SPIDR: variants seen among roughly 807,000 people sequenced by gnomAD.
The protein encoded by SPIDR is scaffold protein involved in DNA repair.
SPIDR carries 93 observed loss-of-function variants against 104.6 expected under a neutral mutation model. The observed-to-expected ratio is 0.89, with a 90% CI of 0.75 to 1.06. SPIDR has a LOEUF of 1.06. Among genes scored for constraint, SPIDR ranks in the 50% least tolerant of loss-of-function variants. SPIDR has a pLI of 0.00. For missense variants in SPIDR, 1,154 were observed against 1,111.2 expected, an observed-to-expected ratio of 1.04 and a Z score of -0.55; for synonymous variants, 431 against 416.9, an observed-to-expected ratio of 1.03 and a Z score of -0.41.
chr8:47,545,842 G>A (rs2089262363), intron 8 of SPIDR, among the ~76,000 whole-genome samples: 1 of 152,002 alleles, frequency 6.6e-6, no homozygotes, highest in Non-Finnish European at 1.5e-5. Flanking sequence ...TAACATGAGA[G>A]GGTGTTTATT....
Position 47,527,648 on chromosome 8 carries a change from T to C in SPIDR, c.1098-68163T>C, listed in dbSNP as rs1454783157. 2.0e-5 allele frequency: 3 copies of C among 152,226 alleles called. No homozygotes were observed. In the East Asian group the frequency reaches 5.8e-4, roughly 29 times the overall value. 9.4% of individuals were successfully genotyped at this position (152,226 alleles called of 1,614,324 possible). ...CATTAAAGTCGCCAGGTCAACCAGA[T>C]GTAGCCTCTGTAGGTGTTGGCCTTG... On this transcript the variant is annotated intron_variant, in intron 8 of 19. Coordinates refer to ENST00000297423, the MANE Select transcript of SPIDR (RefSeq NM_001080394.4).
intron 8 of SPIDR, among the ~76,000 whole-genome samples, chr8:47,570,805 G>A (rs184644172): frequency 5.3e-5 from 8 of 152,178 alleles, no homozygotes; most frequent in Admixed American, 5.2e-4. Context: ...TAAGATGAAA[G>A]GTTTTAGCCG....
intron 11 of SPIDR, among the ~76,000 whole-genome samples, chr8:47,680,285 A>G (rs2076936970): frequency 6.6e-6 from 1 of 152,210 alleles, no homozygotes; most frequent in African/African-American, 2.4e-5. Flanking sequence ...ACAGAGGAGG[A>G]AGCTCAATGT....
chr8:47,684,362 G>C lies in SPIDR; in HGVS notation c.1685+10421G>C, dbSNP rs2077482719. On this transcript the variant is annotated intron_variant, in intron 11 of 19. Transcript: ENST00000297423. ...GGGCCAAGCTTACTCAAGGGGACTT[G>C]CTGGTTAAAACAACAACAACAAAAA... Among the ~76,000 whole-genome samples the C allele has an allele frequency of 2.0e-5, 3 of 152,114 alleles. No individual in the cohort carries two copies. The South Asian group carries it at 6.2e-4, about 31-fold the overall frequency.
At chr8:47,635,795 T>C (rs1334619043) in intron 10 of SPIDR, among the ~76,000 whole-genome samples, 1 of 152,162 alleles carries the variant, frequency 6.6e-6, no homozygotes, top group African/African-American at 2.4e-5. Context: ...GCTTCTGACC[T>C]CTGGGAGGAA....
chr8:47,611,588 C>T (rs1293630900), intron 10 of SPIDR, among the ~76,000 whole-genome samples: 1 of 151,948 alleles, frequency 6.6e-6, no homozygotes, highest in Non-Finnish European at 1.5e-5. Flanking sequence ...GTCCCAGCTA[C>T]TTGGGAGGCT....
intron 16 of SPIDR, among the ~76,000 whole-genome samples, chr8:47,716,833 G>A (rs1386948990): frequency 6.6e-6 from 1 of 152,188 alleles, no homozygotes. Flanking sequence ...CAAGTGATGG[G>A]AGAGGGGCAG....
At chr8:47,330,276 C>T (rs543757067) in intron 5 of SPIDR, among the ~76,000 whole-genome samples, 5 of 152,140 alleles carry the variant, frequency 3.3e-5, no homozygotes, top group Non-Finnish European at 7.4e-5. Flanking sequence ...ATTCCCTCCC[C>T]CACATATGCA....
intron 10 of SPIDR, among the ~76,000 whole-genome samples, chr8:47,625,440 T>C (rs2065903343): frequency 6.6e-6 from 1 of 152,178 alleles, no homozygotes; most frequent in Non-Finnish European, 1.5e-5. Flanking sequence ...AAAGAGGAAG[T>C]CAAATTGTCC....
Position 47,663,955 on chromosome 8 carries a change from C to CA in SPIDR, c.1545-9845dup, listed in dbSNP as rs546425733. On this transcript the variant is annotated intron_variant, in intron 10 of 19. Coordinates refer to ENST00000297423, the MANE Select transcript of SPIDR (RefSeq NM_001080394.4). ...AAATCTCTAGAAATTGTCCTAAGGG[C>CA]ATACAGCAAATGGAGAAACATTCTA... 1.2e-4 allele frequency among the ~76,000 whole-genome samples: 19 copies of CA among 152,294 alleles called. No homozygotes were observed. In the East Asian group the frequency reaches 3.7e-3, roughly 29 times the overall value.
At chr8:47,578,258 G>T (rs1325203148) in intron 8 of SPIDR, among the ~76,000 whole-genome samples, 1 of 152,094 alleles carries the variant, frequency 6.6e-6, no homozygotes, top group African/African-American at 2.4e-5. Context: ...AGATCACGAG[G>T]TCAGGAGATT....
intron 5 of SPIDR, among the ~76,000 whole-genome samples, chr8:47,385,439 C>T (rs571444522): frequency 6.6e-6 from 1 of 152,196 alleles, no homozygotes; most frequent in Admixed American, 6.5e-5. Context: ...ATAAAGTATG[C>T]TACGCTATGC....
intron 1 of SPIDR, among the ~76,000 whole-genome samples, chr8:47,263,116 G>T (rs1312534494): frequency 2.0e-5 from 3 of 152,208 alleles, no homozygotes. Flanking sequence ...CAGCAGAGAG[G>T]CTAAGTAATT....
chr8:47,661,534 A>T (rs916083948), intron 10 of SPIDR, among the ~76,000 whole-genome samples: 6 of 152,262 alleles, frequency 3.9e-5, no homozygotes, highest in Non-Finnish European at 8.8e-5. Context: ...TTTTATGAAC[A>T]TTAATCAGAT....
intron 8 of SPIDR, among the ~76,000 whole-genome samples, chr8:47,487,618 C>A (rs569816303): frequency 3.3e-5 from 5 of 152,142 alleles, no homozygotes; most frequent in Non-Finnish European, 7.4e-5. Context: ...AAGCACTCCT[C>A]AGCAAATGTA....
chr8:47,342,918 G>T (rs200219641), intron 5 of SPIDR, among the ~76,000 whole-genome samples: 1 of 152,056 alleles, frequency 6.6e-6, no homozygotes, highest in Non-Finnish European at 1.5e-5. Flanking sequence ...TCTCCCAGTC[G>T]CATCTAGGGT....
At chr8:47,328,104 G>A (rs1171026019) in intron 5 of SPIDR, among the ~76,000 whole-genome samples, 1 of 147,730 alleles carries the variant, frequency 6.8e-6, no homozygotes, top group Non-Finnish European at 1.5e-5. Flanking sequence ...TTCTTCTGTT[G>A]CTCATAATCT....
At chr8:47,443,845 G>A (rs1554699259) in intron 8 of SPIDR, among the ~76,000 whole-genome samples, 1 of 151,674 alleles carries the variant, frequency 6.6e-6, no homozygotes, top group African/African-American at 2.4e-5. Flanking sequence ...AGGTACAATG[G>A]CTGCTTACCC....
intron 8 of SPIDR, among the ~76,000 whole-genome samples, chr8:47,484,767 A>G (rs2077316707): frequency 6.6e-6 from 1 of 152,244 alleles, no homozygotes; most frequent in African/African-American, 2.4e-5. Flanking sequence ...GTCTTGGATT[A>G]CAGTATTGTA....
Sources: allele counts gnomAD v4.1 joint callset (sites outside exome capture counted in the v4.1 genomes callset), GRCh38; gene constraint gnomAD v4.1.1; transcripts MANE v1.5; gene names NCBI Gene and HGNC (gene_info 2026-07-23, HGNC 2026-07-21).